MRE11: variants seen among roughly 807,000 people sequenced by gnomAD.
MRE11 encodes double-strand break repair protein MRE11.
A neutral mutation model predicts 91.7 loss-of-function variants in MRE11; 62 were observed. The ratio of observed to expected loss-of-function variants is 0.68; its 90% confidence interval spans 0.55 to 0.84. The LOEUF (loss-of-function observed/expected upper bound fraction) is 0.84. MRE11 is among the 40% of genes least tolerant of loss of function. MRE11 has a pLI of 0.00. For missense variants in MRE11, 796 were observed against 852.9 expected, an observed-to-expected ratio of 0.93 and a Z score of 0.83; for synonymous variants, 273 against 271.4, an observed-to-expected ratio of 1.01 and a Z score of -0.06.
chr11:94,478,940 G>T (rs1290127324), intron 5 of MRE11, 64 bp from the exon 6 acceptor site: 1 of 1,528,446 alleles, frequency 6.5e-7, no homozygotes. Flanking sequence ...CATGAATATC[G>T]TATCACCTGT....
intron 7 of MRE11, chr11:94,475,233 A>C (rs1450965206): frequency 6.5e-6 from 1 of 153,298 alleles, no homozygotes; most frequent in East Asian, 1.9e-4. Context: ...GAAAAATATA[A>C]ATTTTTAAAG....
intron 14 of MRE11, among the ~76,000 whole-genome samples, chr11:94,455,711 T>C (rs1332432477): frequency 6.6e-6 from 1 of 152,174 alleles, no homozygotes; most frequent in African/African-American, 2.4e-5. Flanking sequence ...CATGCTTGCT[T>C]ACTTATGGTT....
upstream of MRE11, chr11:94,498,468 C>T: frequency 6.2e-7 from 1 of 1,613,902 alleles, no homozygotes; most frequent in African/African-American, 1.3e-5. Context: ...GCCAGGAGGA[C>T]AAGTATCTAT....
At chr11:94,479,524 A>C (rs978130190) in intron 5 of MRE11, 150 bp downstream of exon 5, 1 of 662,684 alleles carries the variant, frequency 1.5e-6, no homozygotes, top group African/African-American at 1.8e-5. Context: ...TCTAAAAAGC[A>C]GTATAAAAGC....
chr11:94,468,218 CAT>C (rs1463071880), intron 9 of MRE11, among the ~76,000 whole-genome samples: 1 of 152,156 alleles, frequency 6.6e-6, no homozygotes, highest in Non-Finnish European at 1.5e-5. Flanking sequence ...TTTTTGCAGT[CAT>C]ATGATCCATG....
intron 4 of MRE11, among the ~76,000 whole-genome samples, chr11:94,481,762 CA>C (rs1947019225): frequency 1.3e-5 from 2 of 152,202 alleles, no homozygotes; most frequent in Admixed American, 1.3e-4. Flanking sequence ...TCTACTAATT[CA>C]TGAGCCATAC....
At chr11:94,475,067 T>C (rs1308652797) in intron 7 of MRE11, 1 of 152,252 alleles carries the variant, frequency 6.6e-6, no homozygotes, top group Admixed American at 6.5e-5. Flanking sequence ...TTTTACCGAG[T>C]ATTTAACCTA....
At chr11:94,439,422 TA>T in intron 16 of MRE11, among the ~76,000 whole-genome samples, 1 of 152,216 alleles carries the variant, frequency 6.6e-6, no homozygotes, top group East Asian at 1.9e-4. Context: ...ATCAATTAGA[TA>T]AAAGACAAAT....
chr11:94,461,045 AAAG>A lies in MRE11; in HGVS notation c.1226-12_1226-10del, dbSNP rs749464445. The A allele has an allele frequency of 7.5e-6, 12 of 1,600,738 alleles. No homozygotes were observed. The highest frequency in any genetic ancestry group is 1.3e-5 in the African/African-American group (1 of 74,614). ...AAAGTTGATCTCTTCTCCTAGAAAAAAAGAAGTATATCAAAAAATAGCTTCTAT... is the reference window on the plus strand; with the variant it reads ...AAAGTTGATCTCTTCTCCTAGAAAAAAAGTATATCAAAAAATAGCTTCTAT... On this transcript the variant is annotated splice_polypyrimidine_tract_variant and intron_variant, in intron 11 of 19. Coordinates refer to ENST00000323929, the MANE Select transcript of MRE11 (RefSeq NM_005591.4).
At chr11:94,444,076 T>C (rs1945861432) in intron 16 of MRE11, among the ~76,000 whole-genome samples, 1 of 151,894 alleles carries the variant, frequency 6.6e-6, no homozygotes, top group Admixed American at 6.6e-5. Context: ...CTGGATAATT[T>C]TTTGTATTTT....
rs1169760537 is a variant in MRE11, at chr11:94,419,358, T to A, written c.*767A>T. The A allele has an allele frequency of 8.6e-6, 2 of 232,658 alleles. No individual in the cohort carries two copies. The highest frequency in any genetic ancestry group is 4.4e-5 in the African/African-American group (2 of 45,246). The allele number at this position is 232,658 out of a possible 1,614,324, so 14.4% of individuals were successfully genotyped here. A position where few individuals can be genotyped will look rare whatever the true frequency, so the allele number is the denominator to read the frequency against. On this transcript the variant is annotated 3_prime_UTR_variant, in exon 20 of 20. Transcript: ENST00000323929. ...ATTCTTCAATATTTTCAAGATGTAG[T>A]TTAAAACAATTTTTAACCCGTTTCC... is the stretch of plus-strand genomic sequence containing the variant.
At chr11:94,427,045 C>T (rs759112748) in intron 19 of MRE11, among the ~76,000 whole-genome samples, 1 of 152,092 alleles carries the variant, frequency 6.6e-6, no homozygotes, top group Non-Finnish European at 1.5e-5. Context: ...ACTCATTCTA[C>T]GAAGCCAGCA....
chr11:94,458,176 G>A (rs564388305), intron 13 of MRE11, among the ~76,000 whole-genome samples: 10 of 151,444 alleles, frequency 6.6e-5, no homozygotes, highest in Non-Finnish European at 1.3e-4. Context: ...TAAAATAAGG[G>A]AATGAGTTTT....
chr11:94,424,216 T>TA (rs1945249109), intron 19 of MRE11, among the ~76,000 whole-genome samples: 1 of 152,202 alleles, frequency 6.6e-6, no homozygotes, highest in South Asian at 2.1e-4. Flanking sequence ...AAATGCCAGC[T>TA]ACTGGATCAC....
At chr11:94,484,660 T>C (rs768339364) in intron 4 of MRE11, among the ~76,000 whole-genome samples, 1 of 152,180 alleles carries the variant, frequency 6.6e-6, no homozygotes, top group Non-Finnish European at 1.5e-5. Context: ...ATAAATCAGG[T>C]TGATGTCACG....
At chr11:94,433,503 G>GC (rs976020990) in intron 18 of MRE11, among the ~76,000 whole-genome samples, 2 of 152,132 alleles carry the variant, frequency 1.3e-5, no homozygotes, top group African/African-American at 4.8e-5. Flanking sequence ...ATATGGTTTG[G>GC]CTGTGTCCCT....
intron 15 of MRE11, among the ~76,000 whole-genome samples, chr11:94,446,184 G>A (rs1945925070): frequency 6.6e-6 from 1 of 152,140 alleles, no homozygotes; most frequent in Admixed American, 6.5e-5. Context: ...GAGGCGGGAG[G>A]ATCACTTGAG....
the MRE11 span, among the ~76,000 whole-genome samples, chr11:94,504,318 T>A: frequency 6.6e-6 from 1 of 152,186 alleles, no homozygotes. Flanking sequence ...TTATTTTCCA[T>A]GGCAAGCATA....
rs1945115722 is a variant in MRE11 at position 94,419,537 on chromosome 11, C to T, written c.*588G>A. On this transcript the variant is annotated 3_prime_UTR_variant, in exon 20 of 20. Transcript: ENST00000323929. Reference sequence around the variant, plus strand: ...AGAATAATAAAGGAAATTACTACCACTTAATGGGAACACAATCTTTTGAAA... The same window carrying T: ...AGAATAATAAAGGAAATTACTACCATTTAATGGGAACACAATCTTTTGAAA... 8.6e-6 allele frequency: 2 copies of T among 231,224 alleles called. No individual in the cohort carries two copies. The highest frequency in any genetic ancestry group is 1.2e-4 in the East Asian group (2 of 16,410). The allele number at this position is 231,224 out of a possible 1,614,324, so 14.3% of individuals were successfully genotyped here.
Sources: gnomAD v4.1 joint callset for allele counts (sites outside exome capture counted in the v4.1 genomes callset) on GRCh38, gnomAD v4.1.1 for gene constraint, MANE v1.5 for transcripts, NCBI Gene and HGNC (gene_info 2026-07-23, HGNC 2026-07-21) for gene names.